ADAMTS14: variants seen among roughly 807,000 people sequenced by gnomAD.
ADAMTS14 encodes the protein ADAM metallopeptidase with thrombospondin type 1 motif 14.
In ADAMTS14, 100 loss-of-function variants were observed where a neutral mutation model predicts 128.6. The observed-to-expected ratio is 0.78, with a 90% CI of 0.66 to 0.92. ADAMTS14 has a LOEUF of 0.92. ADAMTS14 is among the 40% of genes least tolerant of loss of function. The pLI, the probability that ADAMTS14 is intolerant of heterozygous loss-of-function variation, is 0.00. For missense variants in ADAMTS14, 1,562 were observed against 1,658.6 expected (o/e 0.94, Z 1.01); for synonymous variants, 665 against 653.8 (o/e 1.02, Z -0.26).
In ADAMTS14 at chr10:70,709,579, C is replaced by T. The variant is rs192313851; in HGVS notation, c.870+801C>T. 5.7e-3 allele frequency among the ~76,000 whole-genome samples: 798 copies of T among 139,740 alleles called. 6 individuals carry two copies. The highest frequency in any genetic ancestry group is 0.02 in the African/African-American group (755 of 37,292). The allele number at this position is 139,740 out of a possible 152,430, so 91.7% of individuals were successfully genotyped here. A position where few individuals can be genotyped will look rare whatever the true frequency, so the allele number is the denominator to read the frequency against. ...GCAATGGCACAATCTCGGCTCACTG[C>T]AAGCTCCATCTCCCGGGTTCACGCC... On this transcript the variant is annotated intron_variant, in intron 4 of 21. Transcript: ENST00000373207.
intron 4 of ADAMTS14, among the ~76,000 whole-genome samples, chr10:70,714,443 C>T (rs749593539): frequency 2.0e-5 from 3 of 152,210 alleles, no homozygotes; most frequent in Non-Finnish European, 4.4e-5. Context: ...CCAGAGCTCA[C>T]CCTCTTCCCC....
intron 12 of ADAMTS14, 108 bp downstream of exon 12, chr10:70,741,270 G>A: frequency 7.4e-7 from 1 of 1,347,786 alleles, no homozygotes; most frequent in Non-Finnish European, 1.0e-6. Context: ...AAGGTGGAGG[G>A]ACAGTGGGGG....
chr10:70,753,883 C>G lies in ADAMTS14; in HGVS notation c.2813C>G (p.Pro938Arg). ...VQTRGIQCLL[P>R]LSNGTHKVMP... is the part of the protein sequence containing the mutation. ...ACACGGGGGATACAGTGCCTGCTGC[C>G]CCTCTCCAATGGAACCCACAAGGTC... The change falls in exon 19 of 22, where the codon CCC becomes CGC. Residue 938 changes from proline (P) to arginine (R), a missense_variant. Transcript: ENST00000373207. 1 of 1,592,034 alleles carries G rather than the reference C, an allele frequency of 6.3e-7. No homozygotes were observed. The highest frequency in any genetic ancestry group is 8.5e-7 in the Non-Finnish European group (1 of 1,170,396).
At chr10:70,753,698 C>G in intron 18 of ADAMTS14, 102 bp from the exon 19 acceptor site, 2 of 1,281,740 alleles carry the variant, frequency 1.6e-6, no homozygotes. Context: ...AAACCCAAAC[C>G]CACTCTCTGG....
intron 10 of ADAMTS14, among the ~76,000 whole-genome samples, chr10:70,738,197 G>A (rs1436945665): frequency 6.6e-6 from 1 of 152,152 alleles, no homozygotes; most frequent in Non-Finnish European, 1.5e-5. Context: ...GTAGGAAAAG[G>A]GAAGGGAGTT....
At chr10:70,755,105 A>G (rs1025345817) in intron 19 of ADAMTS14, among the ~76,000 whole-genome samples, 2 of 152,052 alleles carry the variant, frequency 1.3e-5, no homozygotes, top group African/African-American at 4.8e-5. Context: ...CAGGAATTCG[A>G]GACCAGCCTG....
chr10:70,738,818 C>T (rs1474834549), intron 10 of ADAMTS14, 24 bp from the exon 11 acceptor site: 1 of 1,613,606 alleles, frequency 6.2e-7, no homozygotes, highest in Non-Finnish European at 8.5e-7. Context: ...CCAGGGTGAC[C>T]TCATGCCCTC....
At chr10:70,733,742 C>T (rs1008930435) in intron 7 of ADAMTS14, 143 bp from the exon 8 acceptor site, 25 of 1,052,724 alleles carry the variant, frequency 2.4e-5, no homozygotes, top group South Asian at 8.6e-5. Flanking sequence ...CTCCCCACTA[C>T]GTGGTTGGAA....
In ADAMTS14 at chr10:70,730,191, C is replaced by T. The variant is rs765158164; in HGVS notation, c.1044C>T (p.Ser348=). 4 of 1,613,888 alleles carry T rather than the reference C, an allele frequency of 2.5e-6. No individual in the cohort carries two copies. The highest frequency in any genetic ancestry group is 3.4e-6 in the Non-Finnish European group (4 of 1,180,026). ...WAHSQQRQDP[S]HAEHHDHVVF... is the part of the protein sequence containing the mutation. Reference sequence around the variant, plus strand: ...ACTCCCAGCAGCGCCAGGACCCCAGCCACGCTGAGCACCATGACCACGTTG... The same window carrying T: ...ACTCCCAGCAGCGCCAGGACCCCAGTCACGCTGAGCACCATGACCACGTTG... The change falls in exon 6 of 22, where the codon AGC becomes AGT. Residue 348 remains serine (S), a synonymous_variant. Transcript: ENST00000373207.
chr10:70,728,629 C>CCA, intron 4 of ADAMTS14, among the ~76,000 whole-genome samples: 1 of 152,314 alleles, frequency 6.6e-6, no homozygotes, highest in South Asian at 2.1e-4. Flanking sequence ...GGGCACTGGC[C>CCA]CACAGTCCTG....
intron 7 of ADAMTS14, 110 bp downstream of exon 7, chr10:70,732,469 G>GACC: frequency 6.4e-6 from 6 of 942,072 alleles, no homozygotes; most frequent in South Asian, 1.6e-5. Flanking sequence ...AGTGTCCTGG[G>GACC]AGGTGTCAGA....
At position 70,744,103 on chromosome 10, in the gene ADAMTS14, C is replaced by T. The variant is rs941719041; in HGVS notation, c.2096C>T (p.Ala699Val). 3.3e-5 allele frequency: 52 copies of T among 1,565,684 alleles called. No homozygotes were observed. Among genetic ancestry groups the T allele is most frequent in the Admixed American group, 7.6e-5 (4 of 52,900 alleles). The change falls in exon 14 of 22, where the codon GCG (alanine) becomes GTG (valine). Residue 699 changes from alanine to valine, a missense_variant. By Grantham distance (64) the Ala-to-Val change is moderately conservative. Coordinates refer to ENST00000373207, the MANE Select transcript of ADAMTS14 (RefSeq NM_080722.4). ...GCDKEVGSMK[A>V]DDKCGVCGGD... ...GACAAGGAGGTGGGGTCCATGAAGG[C>T]GGATGACAAGTGTGGAGTCTGCGGG... is the stretch of plus-strand genomic sequence containing the variant.
At position 70,749,815 on chromosome 10, in the gene ADAMTS14, C is replaced by T. The variant is rs372342905; in HGVS notation, c.2264-7C>T. On this transcript the variant is annotated splice_region_variant and splice_polypyrimidine_tract_variant and intron_variant, in intron 15 of 21. Transcript: ENST00000373207. ...AATCTGTGTGACCCTCTCCCCCCAC[C>T]GGTCAGTGGTGAAGAACCAGGTCAC... The T allele has an allele frequency of 1.0e-4, 161 of 1,613,130 alleles. No homozygotes were observed. The highest frequency in any genetic ancestry group is 1.1e-4 in the Non-Finnish European group (134 of 1,179,614).
intron 21 of ADAMTS14, among the ~76,000 whole-genome samples, chr10:70,759,610 C>T (rs959189691): frequency 1.3e-5 from 2 of 152,194 alleles, no homozygotes; most frequent in African/African-American, 4.8e-5. Flanking sequence ...AGTGACTTGC[C>T]AAAGGCCTCA....
rs1277575446 is a variant in ADAMTS14 at position 70,686,874 on chromosome 10, G to C, written c.522+11879G>C. On this transcript the variant is annotated intron_variant, in intron 2 of 21. Transcript: ENST00000373207. ...CCGGACGGGGCGGCTGGCTGGGCGG[G>C]GGGGGCTGACCCCCCCCACCTCCCT... Among the ~76,000 whole-genome samples, 6 of 82,842 alleles carry C rather than the reference G, an allele frequency of 7.2e-5. 1 individual carries two copies. Among genetic ancestry groups the C allele is most frequent in the Admixed American group, 4.0e-4 (3 of 7,448 alleles). The allele number at this position is 82,842 out of a possible 152,430, so 54.3% of individuals were successfully genotyped here.
At chr10:70,713,750 G>C (rs1409319571) in intron 4 of ADAMTS14, among the ~76,000 whole-genome samples, 1 of 152,216 alleles carries the variant, frequency 6.6e-6, no homozygotes, top group Non-Finnish European at 1.5e-5. Flanking sequence ...GTATGGGGGT[G>C]AGTTGGAGCA....
rs889375251 is a variant in ADAMTS14, at chr10:70,745,047, T to C, written c.2183-179T>C. Among the ~76,000 whole-genome samples, 11 of 152,250 alleles carry C rather than the reference T, an allele frequency of 7.2e-5. No homozygotes were observed. The South Asian group carries it at 8.3e-4, about 11-fold the overall frequency. ...TTACAGGACATGTCTCATTCGATCCTCCCAGCACCCTCATGGAGAAGGTCT... is the reference window on the plus strand; with the variant it reads ...TTACAGGACATGTCTCATTCGATCCCCCCAGCACCCTCATGGAGAAGGTCT... On this transcript the variant is annotated intron_variant, in intron 14 of 21. Transcript: ENST00000373207.
intron 2 of ADAMTS14, among the ~76,000 whole-genome samples, chr10:70,701,214 GA>G (rs796748796): frequency 9.2e-5 from 14 of 152,338 alleles, no homozygotes; most frequent in African/African-American, 3.1e-4. Flanking sequence ...AGAACAGAAG[GA>G]GGTGGGAAAA....
intron 11 of ADAMTS14, among the ~76,000 whole-genome samples, chr10:70,739,918 G>A (rs1841943183): frequency 6.6e-6 from 1 of 152,178 alleles, no homozygotes; most frequent in Admixed American, 6.5e-5. Context: ...GAACCAAAAT[G>A]GACTGCCTTG....
Sources: gnomAD v4.1 joint callset for allele counts (sites outside exome capture counted in the v4.1 genomes callset) on GRCh38, gnomAD v4.1.1 for gene constraint, MANE v1.5 for transcripts, NCBI Gene and HGNC (gene_info 2026-07-23, HGNC 2026-07-21) for gene names.